Variants in COPS2 observed in about 807,000 individuals in gnomAD.
The protein encoded by COPS2 is COP9 signalosome subunit 2.
In COPS2, 10 loss-of-function variants were observed where a neutral mutation model predicts 66.1. That is an observed-to-expected ratio of 0.15 (90% CI 0.09 to 0.26). The LOEUF is 0.26. COPS2 is among the 10% of genes least tolerant of loss of function. The pLI is 1.00. For synonymous variants in COPS2, 179 were observed against 171.3 expected, an observed-to-expected ratio of 1.04 and a Z score of -0.35; for missense variants, 215 against 513.3, an observed-to-expected ratio of 0.42 and a Z score of 5.62.
chr15:49,143,005 T>A (rs2084299229), intron 3 of COPS2, among the ~76,000 whole-genome samples: 1 of 152,098 alleles, frequency 6.6e-6, no homozygotes, highest in African/African-American at 2.4e-5. Flanking sequence ...AGAAGAAATT[T>A]AAGTGACGAT....
Position 49,124,265 on chromosome 15 carries a change from C to G in COPS2, c.*3685G>C, listed in dbSNP as rs28566064. On this transcript the variant is annotated 3_prime_UTR_variant, in exon 13 of 13. Coordinates refer to ENST00000388901, the MANE Select transcript of COPS2 (RefSeq NM_004236.4). Reference sequence around the variant, plus strand: ...CGGGTGTCTGTAATCCCAGCTACTCCGGAGATTGAGGCAGGAGAATCGCTT... The same window carrying G: ...CGGGTGTCTGTAATCCCAGCTACTCGGGAGATTGAGGCAGGAGAATCGCTT... The G allele has an allele frequency of 0.59, 89,225 of 151,866 alleles. 26,356 individuals are homozygous for G. Among genetic ancestry groups the G allele is most frequent in the Middle Eastern group, 0.67 (196 of 294 alleles). 9.4% of individuals were successfully genotyped at this position (151,866 alleles called of 1,614,324 possible).
At chr15:49,137,103 T>C (rs772904810) in intron 6 of COPS2, 47 bp downstream of exon 6, 4 of 1,188,672 alleles carry the variant, frequency 3.4e-6, no homozygotes, top group Non-Finnish European at 4.8e-6. Context: ...GCTTATACTT[T>C]TTTTTTATTA....
intron 10 of COPS2, 88 bp downstream of exon 10, chr15:49,130,631 C>A: frequency 2.9e-6 from 2 of 695,256 alleles, no homozygotes; most frequent in South Asian, 2.1e-5. Flanking sequence ...AGAAAGAAAA[C>A]AGCTTAATGC....
chr15:49,136,983 C>CCT (rs890447517), intron 6 of COPS2, among the ~76,000 whole-genome samples, 167 bp downstream of exon 6: 6 of 149,088 alleles, frequency 4.0e-5, no homozygotes, highest in African/African-American at 1.5e-4. Context: ...AGAGCCATAC[C>CCT]CTCTCTCTCA....
rs1291943803 is a variant in COPS2, at chr15:49,134,076, C to G, written c.748G>C (p.Glu250Gln). The G allele has an allele frequency of 6.2e-7, 1 of 1,612,756 alleles. No homozygotes were observed. The highest frequency in any genetic ancestry group is 1.3e-5 in the African/African-American group (1 of 74,984). ...CGGKMHLREGEFEKAHTDFFE... is the reference protein window; with the variant it reads ...CGGKMHLREGQFEKAHTDFFE... ...AAATCAGTGTGTGCCTTTTCAAATTCACCTTCCCTCAAGTGCATTTTACCA... is the reference window on the plus strand; with the variant it reads ...AAATCAGTGTGTGCCTTTTCAAATTGACCTTCCCTCAAGTGCATTTTACCA... The change falls in exon 8 of 13, where the codon GAA becomes CAA. Residue 250 changes from glutamate (E) to glutamine (Q), a missense_variant. Physicochemically the swap from Glu to Gln is conservative, Grantham distance 29. Around this residue, in one of 5 missense-constraint regions of COPS2, gnomAD observed 56 missense variants for 173.6 expected, o/e 0.32. Transcript: ENST00000388901.
At position 49,124,062 on chromosome 15, in the gene COPS2, C is replaced by T. The variant is rs1219705530; in HGVS notation, c.*3888G>A. The T allele has an allele frequency of 6.6e-6, 1 of 152,208 alleles. No individual in the cohort carries two copies. Among genetic ancestry groups the T allele is most frequent in the Non-Finnish European group, 1.5e-5 (1 of 68,038 alleles). The allele number at this position is 152,208 out of a possible 1,614,324, so 9.4% of individuals were successfully genotyped here. ...CCAATTTGTCTTCGTTACGAAATTT[C>T]TGCCAAATTCCTGCTTAAAACTGTA... is the stretch of plus-strand genomic sequence containing the variant. On this transcript the variant is annotated 3_prime_UTR_variant, in exon 13 of 13. Transcript: ENST00000388901.
chr15:49,131,636 T>C (rs1280966921), intron 9 of COPS2, among the ~76,000 whole-genome samples: 1 of 152,034 alleles, frequency 6.6e-6, no homozygotes, highest in Non-Finnish European at 1.5e-5. Context: ...TTGACAGGAA[T>C]TATTTTCCTC....
At chr15:49,136,846 G>A (rs922399655) in intron 6 of COPS2, among the ~76,000 whole-genome samples, 26 of 152,016 alleles carry the variant, frequency 1.7e-4, no homozygotes, top group Non-Finnish European at 2.9e-4. Context: ...AAAATTAGCT[G>A]GGCATGGTGG....
chr15:49,128,558 C>T, intron 12 of COPS2, 144 bp downstream of exon 12: 2 of 557,672 alleles, frequency 3.6e-6, no homozygotes, highest in Non-Finnish European at 3.2e-6. Flanking sequence ...AACCATCACA[C>T]ATACATATAT....
chr15:49,141,201 G>C (rs944644901), intron 3 of COPS2, among the ~76,000 whole-genome samples: 2 of 152,076 alleles, frequency 1.3e-5, no homozygotes, highest in Non-Finnish European at 2.9e-5. Context: ...TAGGAGTTTT[G>C]CAAAAAGTTA....
At position 49,145,091 on chromosome 15, in the gene COPS2, GA is replaced by G. The variant is rs1566885541; in HGVS notation, c.55-14del. On this transcript the variant is annotated splice_polypyrimidine_tract_variant and intron_variant, in intron 1 of 12. Coordinates refer to ENST00000388901, the MANE Select transcript of COPS2 (RefSeq NM_004236.4). ...CTTCAGAGTATTCCTGTGTTGGAAA[GA>G]AAGAAATATTAAAAGAAAAAAAGAA... The G allele has an allele frequency of 7.5e-7, 1 of 1,339,620 alleles. No individual in the cohort carries two copies. Among genetic ancestry groups the G allele is most frequent in the Admixed American group, 2.4e-5 (1 of 41,418 alleles). The allele number at this position is 1,339,620 out of a possible 1,614,324, so 83.0% of individuals were successfully genotyped here.
Position 49,123,800 on chromosome 15 carries a change from T to G in COPS2, c.*4150A>C, listed in dbSNP as rs2084142455. The G allele has an allele frequency of 6.6e-6, 1 of 152,226 alleles. No homozygotes were observed. Among genetic ancestry groups the G allele is most frequent in the African/African-American group, 2.4e-5 (1 of 41,458 alleles). The allele number at this position is 152,226 out of a possible 1,614,324, so 9.4% of individuals were successfully genotyped here. A position where few individuals can be genotyped will look rare whatever the true frequency, so the allele number is the denominator to read the frequency against. The stretch of plus-strand genomic sequence containing the variant: ...ACGTGACAGTAAAAAAGTAAAATTT[T>G]AGAGAACCACACACTGGTTTCTTCT... On this transcript the variant is annotated 3_prime_UTR_variant, in exon 13 of 13. Transcript: ENST00000388901.
At chr15:49,148,030 T>G (rs1331455305) in intron 1 of COPS2, among the ~76,000 whole-genome samples, 1 of 152,226 alleles carries the variant, frequency 6.6e-6, no homozygotes, top group East Asian at 1.9e-4. Flanking sequence ...ACCCATCATT[T>G]GCACCCCACT....
chr15:49,155,292 G>A (rs1358731357), intron 1 of COPS2, among the ~76,000 whole-genome samples: 13 of 152,368 alleles, frequency 8.5e-5, no homozygotes, highest in Middle Eastern at 6.8e-3. Context: ...CAGACTCGGA[G>A]GGCAAGGCCC....
intron 1 of COPS2, among the ~76,000 whole-genome samples, chr15:49,147,281 C>T (rs1467948196): frequency 6.6e-6 from 1 of 151,884 alleles, no homozygotes; most frequent in Non-Finnish European, 1.5e-5. Context: ...TTTTGCAACC[C>T]AAACCTTCAG....
chr15:49,148,362 G>A (rs1249704370), intron 1 of COPS2, among the ~76,000 whole-genome samples: 1 of 152,100 alleles, frequency 6.6e-6, no homozygotes, highest in African/African-American at 2.4e-5. Flanking sequence ...TCTCAAAAAG[G>A]AGTAATCAAC....
At chr15:49,142,471 T>C (rs758277037) in intron 3 of COPS2, among the ~76,000 whole-genome samples, 25 of 152,258 alleles carry the variant, frequency 1.6e-4, no homozygotes, top group Non-Finnish European at 2.8e-4. Flanking sequence ...TCAGACGGGA[T>C]AGAGAAGCTA....
chr15:49,140,537 A>T (rs1029310745), intron 3 of COPS2, among the ~76,000 whole-genome samples: 10 of 152,164 alleles, frequency 6.6e-5, no homozygotes, highest in Admixed American at 5.9e-4. Flanking sequence ...GATATAGTAA[A>T]TGTTGTTATT....
chr15:49,148,707 C>T (rs2084338384), intron 1 of COPS2, among the ~76,000 whole-genome samples: 1 of 152,096 alleles, frequency 6.6e-6, no homozygotes, highest in Admixed American at 6.5e-5. Context: ...AAAAGTCTGG[C>T]CAGGAGCTGT....
Sources: allele counts gnomAD v4.1 joint callset (sites outside exome capture counted in the v4.1 genomes callset), GRCh38; gene constraint gnomAD v4.1.1; regional missense constraint gnomAD v4.1.1; transcripts MANE v1.5; gene names NCBI Gene and HGNC (gene_info 2026-07-23, HGNC 2026-07-21).